Variants in GPC6 observed in about 807,000 individuals in gnomAD.
The protein encoded by GPC6 is glypican 6.
A neutral mutation model predicts 55.2 loss-of-function variants in GPC6; 14 were observed. The observed-to-expected ratio is 0.25, with a 90% CI of 0.17 to 0.40. GPC6 has a LOEUF of 0.40. GPC6 is among the 10% of genes least tolerant of loss of function. The pLI is 1.00. For missense variants in GPC6, 641 were observed against 708.5 expected (o/e 0.90, Z 1.08); for synonymous variants, 278 against 259.6 (o/e 1.07, Z -0.68).
At chr13:93,503,995 T>C (rs1438981817) in intron 1 of GPC6, among the ~76,000 whole-genome samples, 1 of 152,150 alleles carries the variant, frequency 6.6e-6, no homozygotes, top group Non-Finnish European at 1.5e-5. Context: ...AAAAAAAGTT[T>C]GATATTTTGC....
chr13:94,160,988 G>A (rs1267910784), intron 4 of GPC6, among the ~76,000 whole-genome samples: 1 of 152,150 alleles, frequency 6.6e-6, no homozygotes, highest in African/African-American at 2.4e-5. Flanking sequence ...AGAAAGAATT[G>A]ATTAATTTTA....
chr13:93,731,771 TA>T (rs1883830743), intron 2 of GPC6, among the ~76,000 whole-genome samples: 1 of 152,136 alleles, frequency 6.6e-6, no homozygotes, highest in Non-Finnish European at 1.5e-5. Flanking sequence ...AGCCTAGTTA[TA>T]AAGGGAAGAA....
chr13:93,395,764 C>A, intron 1 of GPC6: 1 of 152,992 alleles, frequency 6.5e-6, no homozygotes. Flanking sequence ...TTGGTTGTTT[C>A]AAAGCTCAGC....
At chr13:93,957,900 G>A (rs1209237664) in intron 3 of GPC6, among the ~76,000 whole-genome samples, 2 of 152,052 alleles carry the variant, frequency 1.3e-5, no homozygotes, top group Admixed American at 1.3e-4. Flanking sequence ...TTTAATAATA[G>A]CCATTTTGAC....
intron 2 of GPC6, among the ~76,000 whole-genome samples, chr13:93,685,633 T>G (rs2138772540): frequency 6.6e-6 from 1 of 152,256 alleles, no homozygotes; most frequent in South Asian, 2.1e-4. Flanking sequence ...CTTATGCCAC[T>G]TAGCTTAATT....
intron 1 of GPC6, among the ~76,000 whole-genome samples, chr13:93,288,183 A>G (rs1359728530): frequency 6.6e-6 from 1 of 152,192 alleles, no homozygotes; most frequent in Non-Finnish European, 1.5e-5. Flanking sequence ...AAACTCTCCA[A>G]AATAAGACAA....
intron 1 of GPC6, among the ~76,000 whole-genome samples, chr13:93,269,940 A>G (rs984977415): frequency 2.0e-5 from 3 of 147,026 alleles, no homozygotes; most frequent in Non-Finnish European, 4.6e-5. Flanking sequence ...TGATATGAGT[A>G]AGTTTAAAAG....
Position 93,301,480 on chromosome 13 carries a change from A to G in GPC6, c.160+73864A>G, listed in dbSNP as rs76625779. Among the ~76,000 whole-genome samples, 452 of 152,330 alleles carry G rather than the reference A, an allele frequency of 3.0e-3. 1 individual carries two copies. The highest frequency in any genetic ancestry group is 0.01 in the African/African-American group (422 of 41,564). ...GTTCCCAGAGTTACTCTCTTCTTGC[A>G]TTAGCTATGCTGAGCTTCCTGCAGT... On this transcript the variant is annotated intron_variant, in intron 1 of 8. Transcript: ENST00000377047.
intron 3 of GPC6, among the ~76,000 whole-genome samples, chr13:93,896,150 G>A (rs1158882543): frequency 6.6e-6 from 1 of 151,930 alleles, no homozygotes; most frequent in African/African-American, 2.4e-5. Flanking sequence ...AACATCACAT[G>A]TACCCCGATA....
intron 1 of GPC6, among the ~76,000 whole-genome samples, chr13:93,244,705 A>C (rs1285825901): frequency 6.6e-6 from 1 of 152,214 alleles, no homozygotes; most frequent in African/African-American, 2.4e-5. Flanking sequence ...TGAAGGAGAC[A>C]GTCTCTCCCC....
Position 93,830,225 on chromosome 13 carries a change from C to G in GPC6, c.391C>G (p.Leu131Val), listed in dbSNP as rs757211612. The G allele has an allele frequency of 6.2e-7, 1 of 1,602,534 alleles. No homozygotes were observed. The highest frequency in any genetic ancestry group is 1.3e-5 in the African/African-American group (1 of 74,590). ...TATGTTTGTACGGACCTATGGCATG[C>G]TGTACATGCAGAATTCAGAAGTCTT... is the stretch of plus-strand genomic sequence containing the variant. Reference protein sequence around the residue: ...NDMFVRTYGMLYMQNSEVFQD... With the variant: ...NDMFVRTYGMVYMQNSEVFQD... Residue 131 changes from leucine to valine, a missense_variant, in exon 3 of 9, where the codon CTG becomes GTG. Coordinates refer to ENST00000377047, the MANE Select transcript of GPC6 (RefSeq NM_005708.5).
chr13:93,323,202 T>C (rs1257289650), intron 1 of GPC6, among the ~76,000 whole-genome samples: 1 of 152,210 alleles, frequency 6.6e-6, no homozygotes, highest in Non-Finnish European at 1.5e-5. Flanking sequence ...AGTAGTCAAC[T>C]CATCAAAGTG....
At chr13:94,227,761 T>C (rs558276022) in intron 4 of GPC6, among the ~76,000 whole-genome samples, 107 of 152,234 alleles carry the variant, frequency 7.0e-4, no homozygotes, top group Middle Eastern at 3.4e-3. Context: ...CCATGCTGGC[T>C]TTTGCTGACT....
intron 4 of GPC6, among the ~76,000 whole-genome samples, chr13:94,066,123 G>A (rs11841621): frequency 0.023 from 3,498 of 152,188 alleles, 107 homozygotes; most frequent in South Asian, 0.092. Context: ...AATTAATTTT[G>A]TGAATAAAAT....
intron 1 of GPC6, among the ~76,000 whole-genome samples, chr13:93,430,292 A>G (rs1877307416): frequency 6.6e-6 from 1 of 151,928 alleles, no homozygotes; most frequent in African/African-American, 2.4e-5. Flanking sequence ...TATTAAGAAT[A>G]GAGAGAGTTC....
intron 3 of GPC6, among the ~76,000 whole-genome samples, chr13:93,985,299 T>C (rs992353850): frequency 6.6e-6 from 1 of 151,844 alleles, no homozygotes; most frequent in East Asian, 1.9e-4. Context: ...TAGCTGGGCG[T>C]AATGGTGCAC....
At chr13:93,890,145 T>C (rs901233551) in intron 3 of GPC6, among the ~76,000 whole-genome samples, 1 of 152,160 alleles carries the variant, frequency 6.6e-6, no homozygotes, top group African/African-American at 2.4e-5. Context: ...CCAGAGGCTG[T>C]GTCCCAAATA....
intron 3 of GPC6, among the ~76,000 whole-genome samples, chr13:93,851,606 A>G (rs1252471187): frequency 6.6e-6 from 1 of 151,884 alleles, no homozygotes; most frequent in Non-Finnish European, 1.5e-5. Context: ...TGTAACCTTT[A>G]AATATATCTC....
chr13:94,065,349 G>C (rs979334542), intron 4 of GPC6, among the ~76,000 whole-genome samples: 4 of 152,208 alleles, frequency 2.6e-5, no homozygotes, highest in Admixed American at 2.0e-4. Flanking sequence ...TCTATGATGA[G>C]AGTATGCTGC....
Sources: allele counts gnomAD v4.1 joint callset (sites outside exome capture counted in the v4.1 genomes callset), GRCh38; gene constraint gnomAD v4.1.1; transcripts MANE v1.5; gene names NCBI Gene and HGNC (gene_info 2026-07-23, HGNC 2026-07-21).